The following CDH6 variants were observed in gnomAD, a reference collection of about 807,000 sequenced individuals.
CDH6 encodes cadherin-6.
CDH6 carries 31 observed loss-of-function variants against 78.0 expected under a neutral mutation model. That is an observed-to-expected ratio of 0.40 (90% confidence interval 0.30 to 0.54). CDH6 has a LOEUF of 0.54. CDH6 is among the 20% of genes least tolerant of loss of function. CDH6 has a pLI of 0.56. For synonymous variants in CDH6, 376 were observed against 368.8 expected (o/e 1.02, Z -0.23); for missense variants, 724 against 975.9 (o/e 0.74, Z 3.44).
In CDH6 at chr5:31,305,697, T is replaced by C. The variant is rs73089387; in HGVS notation, c.1253+270T>C. On this transcript the variant is annotated intron_variant, in intron 7 of 11. Coordinates refer to ENST00000265071, the MANE Select transcript of CDH6 (RefSeq NM_004932.4). ...AATTCACAAATCCGGAAGTTCCTTATAGGAAATGACACAGATTTGCAAATA... is the reference window on the plus strand; with the variant it reads ...AATTCACAAATCCGGAAGTTCCTTACAGGAAATGACACAGATTTGCAAATA... 8.7e-3 allele frequency among the ~76,000 whole-genome samples: 1,328 copies of C among 152,326 alleles called. 23 individuals are homozygous for C. The highest frequency in any genetic ancestry group is 0.03 in the African/African-American group (1,263 of 41,582).
At chr5:31,254,650 T>G (rs992782877) in intron 1 of CDH6, among the ~76,000 whole-genome samples, 1 of 152,250 alleles carries the variant, frequency 6.6e-6, no homozygotes, top group Admixed American at 6.5e-5. Flanking sequence ...AGGACAACTG[T>G]ACCAGTTATG....
In CDH6 at chr5:31,302,147, C is replaced by T. The variant is rs142852451; in HGVS notation, c.848C>T (p.Pro283Leu). ...TTTAAAACTCCTGAATCTTCTCCAC[C>T]GGGGACACCAATTGGCAGAATCAAA... Reference protein sequence around the residue: ...YQFKTPESSPPGTPIGRIKAS... With the variant: ...YQFKTPESSPLGTPIGRIKAS... Residue 283 changes from proline (P) to leucine (L), a missense_variant, in exon 6 of 12, where the codon CCG (proline) becomes CTG (leucine). Coordinates refer to ENST00000265071, the MANE Select transcript of CDH6 (RefSeq NM_004932.4). The T allele has an allele frequency of 1.5e-4, 237 of 1,613,572 alleles. No individual in the cohort carries two copies. The African/African-American group carries it at 2.7e-3, about 18-fold the overall frequency.
At chr5:31,215,317 C>A (rs1239165814) in intron 1 of CDH6, among the ~76,000 whole-genome samples, 1 of 152,092 alleles carries the variant, frequency 6.6e-6, no homozygotes, top group African/African-American at 2.4e-5. Context: ...ACTATCCACA[C>A]CTTTAAGAAT....
At chr5:31,233,520 A>AAGAAAC (rs1554004627) in intron 1 of CDH6, among the ~76,000 whole-genome samples, 1 of 149,862 alleles carries the variant, frequency 6.7e-6, no homozygotes, top group South Asian at 2.1e-4. Flanking sequence ...GTCTCAAAAA[A>AAGAAAC]AAAAAACAAA....
chr5:31,299,149 A>G (rs1219888772), intron 4 of CDH6, among the ~76,000 whole-genome samples: 2 of 152,154 alleles, frequency 1.3e-5, no homozygotes, highest in Non-Finnish European at 2.9e-5. Flanking sequence ...TATAACACTT[A>G]ATGTTTATAC....
At chr5:31,274,461 G>A (rs565585856) in intron 2 of CDH6, among the ~76,000 whole-genome samples, 2 of 152,272 alleles carry the variant, frequency 1.3e-5, no homozygotes, top group East Asian at 1.9e-4. Context: ...CAGATCCTCC[G>A]GCTTCCATTT....
chr5:31,305,435 C>T lies in CDH6; in HGVS notation c.1253+8C>T, dbSNP rs1419565263. 6 of 1,610,520 alleles carry T rather than the reference C, an allele frequency of 3.7e-6. No individual in the cohort carries two copies. The highest frequency in any genetic ancestry group is 2.7e-5 in the African/African-American group (2 of 74,790). ...TGCCAGGAATCCTGTCAAGTAAGCACACTTCTGCGACATGTCTCTTTCATA... is the reference window on the plus strand; with the variant it reads ...TGCCAGGAATCCTGTCAAGTAAGCATACTTCTGCGACATGTCTCTTTCATA... On this transcript the variant is annotated splice_region_variant and intron_variant, in intron 7 of 11. Coordinates refer to ENST00000265071, the MANE Select transcript of CDH6 (RefSeq NM_004932.4).
At chr5:31,302,390 A>T in intron 6 of CDH6, 92 bp downstream of exon 6, 1 of 903,996 alleles carries the variant, frequency 1.1e-6, no homozygotes, top group Non-Finnish European at 1.6e-6. Flanking sequence ...TCACATAAAC[A>T]TTCCTTTAGA....
At chr5:31,288,132 C>T (rs1743060357) in intron 2 of CDH6, among the ~76,000 whole-genome samples, 1 of 152,166 alleles carries the variant, frequency 6.6e-6, no homozygotes, top group Admixed American at 6.5e-5. Context: ...TCCTGCTAAA[C>T]CAGGGACACT....
rs1419999233 is a variant in CDH6, at chr5:31,322,844, A to G, written c.1909A>G (p.Arg637Gly). The change falls in exon 12 of 12, where the codon AGG becomes GGG. Residue 637 changes from arginine (R) to glycine (G), a missense_variant. Arg to Gly is a moderately radical substitution (Grantham distance 125). Coordinates refer to ENST00000265071, the MANE Select transcript of CDH6 (RefSeq NM_004932.4). ...LVTVVLFAAL[R>G]RQRKKEPLII... ...GACAGTGGTGCTGTTTGCAGCTCTG[A>G]GGCGGCAGCGAAAAAAAGAGCCTTT... The G allele has an allele frequency of 3.7e-6, 6 of 1,613,698 alleles. No homozygotes were observed. The highest frequency in any genetic ancestry group is 5.1e-6 in the Non-Finnish European group (6 of 1,179,834).
chr5:31,232,542 A>G (rs1012804501), intron 1 of CDH6, among the ~76,000 whole-genome samples: 5 of 152,226 alleles, frequency 3.3e-5, no homozygotes, highest in Admixed American at 2.0e-4. Context: ...CCCTCGGTCC[A>G]GGACAGGAGT....
chr5:31,241,866 C>T (rs975232860), intron 1 of CDH6, among the ~76,000 whole-genome samples: 2 of 152,202 alleles, frequency 1.3e-5, no homozygotes, highest in Non-Finnish European at 2.9e-5. Flanking sequence ...AATGTGTTTT[C>T]GTGCCTATAT....
intron 1 of CDH6, among the ~76,000 whole-genome samples, chr5:31,236,423 G>T (rs1741456115): frequency 6.6e-6 from 1 of 152,088 alleles, no homozygotes; most frequent in African/African-American, 2.4e-5. Context: ...GAAGGGGTGG[G>T]CACACAATAT....
chr5:31,265,988 G>A (rs1406231138), intron 1 of CDH6, among the ~76,000 whole-genome samples: 3 of 151,796 alleles, frequency 2.0e-5, no homozygotes, highest in African/African-American at 7.3e-5. Flanking sequence ...ATGTTAGCCA[G>A]GATGGTCTCG....
intron 1 of CDH6, among the ~76,000 whole-genome samples, chr5:31,225,854 A>G (rs1175889431): frequency 6.6e-6 from 1 of 152,178 alleles, no homozygotes; most frequent in African/African-American, 2.4e-5. Context: ...TTCCCCACAG[A>G]GTATTGTGGA....
At chr5:31,289,594 C>G (rs963237961) in intron 2 of CDH6, among the ~76,000 whole-genome samples, 1 of 152,184 alleles carries the variant, frequency 6.6e-6, no homozygotes, top group East Asian at 1.9e-4. Flanking sequence ...TTCCCACCAA[C>G]AGTGTATGAG....
intron 1 of CDH6, among the ~76,000 whole-genome samples, chr5:31,194,255 G>A (rs1479982700): frequency 6.6e-6 from 1 of 152,210 alleles, no homozygotes; most frequent in African/African-American, 2.4e-5. Context: ...TCTGGCATTT[G>A]CAAAGTTGGC....
At chr5:31,296,001 T>A (rs1010574008) in intron 3 of CDH6, among the ~76,000 whole-genome samples, 2 of 152,174 alleles carry the variant, frequency 1.3e-5, no homozygotes, top group Admixed American at 6.6e-5. Context: ...ATGTTCTCAG[T>A]CTCCCCACCT....
At position 31,329,090 on chromosome 5, in the gene CDH6, C is replaced by T. The variant is rs765624363; in HGVS notation, c.*5782C>T. On this transcript the variant is annotated 3_prime_UTR_variant, in exon 12 of 12. Transcript: ENST00000265071. ...AAGAGTAAATATGCCTTTTGCAAAT[C>T]AATTTTTGTAACAAGTTATTTATAT... is the stretch of plus-strand genomic sequence containing the variant. The T allele has an allele frequency of 3.4e-4, 67 of 199,094 alleles. No homozygotes were observed. The highest frequency in any genetic ancestry group is 5.9e-4 in the Non-Finnish European group (57 of 96,710). The allele number at this position is 199,094 out of a possible 1,614,324, so 12.3% of individuals were successfully genotyped here. A position where few individuals can be genotyped will look rare whatever the true frequency, so the allele number is the denominator to read the frequency against.
Sources: allele counts gnomAD v4.1 joint callset (sites outside exome capture counted in the v4.1 genomes callset), GRCh38; gene constraint gnomAD v4.1.1; transcripts MANE v1.5; gene names NCBI Gene and HGNC (gene_info 2026-07-23, HGNC 2026-07-21).